Variants in OPCML observed in about 807,000 individuals in gnomAD.
OPCML encodes opioid binding protein/cell adhesion molecule like.
In OPCML, 13 loss-of-function variants were observed where a neutral mutation model predicts 37.8. The observed-to-expected ratio is 0.34, with a 90% CI of 0.22 to 0.55. The LOEUF (loss-of-function observed/expected upper bound fraction) is 0.55. Among genes scored for constraint, OPCML ranks in the 20% least tolerant of loss-of-function variants. The pLI is 0.91. For synonymous variants in OPCML, 176 were observed against 168.8 expected, an observed-to-expected ratio of 1.04 and a Z score of -0.33; for missense variants, 341 against 435.6, an observed-to-expected ratio of 0.78 and a Z score of 1.93.
intron 2 of OPCML, among the ~76,000 whole-genome samples, chr11:132,662,092 G>C (rs1169824097): frequency 6.6e-6 from 1 of 152,172 alleles, no homozygotes; most frequent in East Asian, 1.9e-4. Flanking sequence ...GTTTTCAGAG[G>C]AAGAGGTGAA....
chr11:133,051,086 C>CACA (rs60604738), intron 1 of OPCML, among the ~76,000 whole-genome samples: 8 of 150,202 alleles, frequency 5.3e-5, no homozygotes, highest in African/African-American at 2.0e-4. Context: ...CACACACACA[C>CACA]CTCTCAAAGC....
chr11:132,417,811 A>G lies in OPCML; in HGVS notation c.*2382T>C, dbSNP rs1175960598. The G allele has an allele frequency of 6.6e-6, 1 of 152,214 alleles. No individual in the cohort carries two copies. The highest frequency in any genetic ancestry group is 1.9e-4 in the East Asian group (1 of 5,192). The allele number at this position is 152,214 out of a possible 1,614,324, so 9.4% of individuals were successfully genotyped here. A position where few individuals can be genotyped will look rare whatever the true frequency, so the allele number is the denominator to read the frequency against. Reference sequence around the variant, plus strand: ...AGGTGGTGACAGATCTGAAACGTCTATGTGCGACCTTTAATTCTGATTTTG... The same window carrying G: ...AGGTGGTGACAGATCTGAAACGTCTGTGTGCGACCTTTAATTCTGATTTTG... On this transcript the variant is annotated 3_prime_UTR_variant, in exon 8 of 8. Transcript: ENST00000524381.
chr11:133,172,431 T>C (rs1027559751), intron 1 of OPCML, among the ~76,000 whole-genome samples: 10 of 151,738 alleles, frequency 6.6e-5, no homozygotes, highest in Non-Finnish European at 1.2e-4. Context: ...GGATGCAGAG[T>C]AGAAAAATAG....
At chr11:132,862,204 T>G (rs1031607682) in intron 2 of OPCML, among the ~76,000 whole-genome samples, 1 of 152,200 alleles carries the variant, frequency 6.6e-6, no homozygotes, top group African/African-American at 2.4e-5. Flanking sequence ...ATGTGTTAAT[T>G]ATTACTTTTA....
chr11:133,277,831 G>A (rs578063951), intron 1 of OPCML, among the ~76,000 whole-genome samples: 13 of 151,894 alleles, frequency 8.6e-5, no homozygotes, highest in East Asian at 1.9e-4. Flanking sequence ...TGCTCATCTC[G>A]TCAGAAACCC....
intron 1 of OPCML, among the ~76,000 whole-genome samples, chr11:133,029,018 G>A (rs1423114956): frequency 6.6e-6 from 1 of 151,742 alleles, no homozygotes; most frequent in East Asian, 1.9e-4. Flanking sequence ...AACTTAACAA[G>A]CAAAAAGCAA....
At chr11:132,810,424 G>A (rs1363030773) in intron 2 of OPCML, among the ~76,000 whole-genome samples, 1 of 152,116 alleles carries the variant, frequency 6.6e-6, no homozygotes, top group Non-Finnish European at 1.5e-5. Flanking sequence ...GCAAATACCA[G>A]GCAGGGCACG....
At chr11:132,532,203 G>C (rs1029605465) in intron 3 of OPCML, among the ~76,000 whole-genome samples, 1 of 152,200 alleles carries the variant, frequency 6.6e-6, no homozygotes, top group Admixed American at 6.5e-5. Context: ...CCTGAAGTGG[G>C]ATCGCGAAGA....
intron 4 of OPCML, among the ~76,000 whole-genome samples, chr11:132,514,629 G>A (rs1462517626): frequency 2.6e-5 from 4 of 152,168 alleles, no homozygotes; most frequent in African/African-American, 9.7e-5. Flanking sequence ...AATATCAGGA[G>A]AGTCTTAAAA....
chr11:133,392,609 T>C (rs1163283040), intron 1 of OPCML, among the ~76,000 whole-genome samples: 1 of 152,194 alleles, frequency 6.6e-6, no homozygotes, highest in East Asian at 1.9e-4. Context: ...TGTGTGCACT[T>C]GTTCTGCAGC....
rs143279777 is a variant in OPCML at position 133,100,600 on chromosome 11, T to C, written c.62-157590A>G. Among the ~76,000 whole-genome samples, 742 of 152,306 alleles carry C rather than the reference T, an allele frequency of 4.9e-3. 7 individuals are homozygous for C. Among genetic ancestry groups the C allele is most frequent in the African/African-American group, 0.017 (686 of 41,574 alleles). ...AGCTACAGTAATCAAGACTGTGATATTGGTATTAGAACAGACAAATAGATC... is the reference window on the plus strand; with the variant it reads ...AGCTACAGTAATCAAGACTGTGATACTGGTATTAGAACAGACAAATAGATC... On this transcript the variant is annotated intron_variant, in intron 1 of 7. Transcript: ENST00000524381.
At chr11:133,143,785 T>C (rs1411728728) in intron 1 of OPCML, among the ~76,000 whole-genome samples, 1 of 152,214 alleles carries the variant, frequency 6.6e-6, no homozygotes, top group Non-Finnish European at 1.5e-5. Context: ...TGCCTACTTA[T>C]CTTTCTAGGT....
intron 2 of OPCML, among the ~76,000 whole-genome samples, chr11:132,799,302 G>T (rs1473046711): frequency 6.6e-6 from 1 of 152,120 alleles, no homozygotes; most frequent in Admixed American, 6.5e-5. Flanking sequence ...GTGAGCTCTT[G>T]CTCCTTCACC....
rs150306364 is a variant in OPCML at position 132,657,006 on chromosome 11, C to T, written c.379+81G>A. The stretch of plus-strand genomic sequence containing the variant: ...GGAAGATGACTTTTGTGTCTTCGCA[C>T]ACAGGTAGAACAAACACCAACACTG... On this transcript the variant is annotated intron_variant, in intron 3 of 7. Coordinates refer to ENST00000524381, the MANE Select transcript of OPCML (RefSeq NM_001012393.5). 2.5e-4 allele frequency: 386 copies of T among 1,551,844 alleles called. 1 individual carries two copies. The African/African-American group carries it at 2.8e-3, about 11-fold the overall frequency.
chr11:133,452,426 G>C (rs958263609), intron 1 of OPCML, among the ~76,000 whole-genome samples: 2 of 150,416 alleles, frequency 1.3e-5, no homozygotes, highest in African/African-American at 5.0e-5. Context: ...TATAAAATTG[G>C]TCACTTCAGT....
chr11:132,832,819 G>A (rs7938824), intron 2 of OPCML, among the ~76,000 whole-genome samples: 10,691 of 152,186 alleles, frequency 0.07, 425 homozygotes, highest in Non-Finnish European at 0.082. Context: ...AAGCCTGTAC[G>A]GCACGTAACT....
chr11:133,187,356 G>A (rs532668844), intron 1 of OPCML, among the ~76,000 whole-genome samples: 1 of 152,012 alleles, frequency 6.6e-6, no homozygotes, highest in South Asian at 2.1e-4. Flanking sequence ...GCTCTGGCAG[G>A]AATTGCGTAA....
intron 1 of OPCML, among the ~76,000 whole-genome samples, chr11:133,181,935 C>A (rs1937851624): frequency 6.6e-6 from 1 of 152,174 alleles, no homozygotes. Context: ...CACGGTGCAG[C>A]TTCTCTTCCA....
intron 1 of OPCML, among the ~76,000 whole-genome samples, chr11:133,199,715 A>G (rs1303088582): frequency 1.3e-5 from 2 of 152,222 alleles, no homozygotes; most frequent in Non-Finnish European, 2.9e-5. Flanking sequence ...GATTTCCCCT[A>G]AAGGCCTCTA....
Sources: allele counts gnomAD v4.1 joint callset (sites outside exome capture counted in the v4.1 genomes callset), GRCh38; gene constraint gnomAD v4.1.1; transcripts MANE v1.5; gene names NCBI Gene and HGNC (gene_info 2026-07-23, HGNC 2026-07-21).